RGS6: variants seen among roughly 807,000 people sequenced by gnomAD.
RGS6 encodes the protein regulator of G protein signaling 6.
RGS6 carries 30 observed loss-of-function variants against 78.5 expected under a neutral mutation model. The observed-to-expected ratio is 0.38, with a 90% CI of 0.29 to 0.52. The LOEUF is 0.52. Among genes scored for constraint, RGS6 ranks in the 20% least tolerant of loss-of-function variants. The probability of loss-of-function intolerance (pLI) is 0.85; values close to 1 mark genes in which losing one functional copy is unlikely to be tolerated. For synonymous variants in RGS6, 206 were observed against 206.0 expected, an observed-to-expected ratio of 1.00 and a Z score of 0.00; for missense variants, 495 against 609.7, an observed-to-expected ratio of 0.81 and a Z score of 1.98.
intron 2 of RGS6, among the ~76,000 whole-genome samples, chr14:72,243,003 C>A (rs568503703): frequency 1.3e-5 from 2 of 152,030 alleles, no homozygotes; most frequent in East Asian, 3.9e-4. Context: ...CGCGCGCCAC[C>A]ACACCTGGCT....
At chr14:72,418,055 C>T (rs1030321158) in intron 3 of RGS6, among the ~76,000 whole-genome samples, 1 of 152,154 alleles carries the variant, frequency 6.6e-6, no homozygotes, top group Admixed American at 6.5e-5. Flanking sequence ...CTGCCTGTCC[C>T]CACCTGGACA....
chr14:72,013,320 A>G (rs1209156617), intron 2 of RGS6, among the ~76,000 whole-genome samples: 3 of 144,644 alleles, frequency 2.1e-5, no homozygotes, highest in Non-Finnish European at 4.5e-5. Context: ...AATAAAGCAT[A>G]GTTATAGTAT....
At chr14:72,215,148 T>C (rs1360221202) in intron 2 of RGS6, among the ~76,000 whole-genome samples, 2 of 152,202 alleles carry the variant, frequency 1.3e-5, no homozygotes, top group African/African-American at 2.4e-5. Flanking sequence ...CCATTACTGA[T>C]TTCAATACCA....
chr14:72,208,455 C>T (rs1029003268), intron 2 of RGS6, among the ~76,000 whole-genome samples: 1 of 152,184 alleles, frequency 6.6e-6, no homozygotes, highest in African/African-American at 2.4e-5. Flanking sequence ...GGTTTTCTGT[C>T]ACTTACAACC....
chr14:72,259,416 C>G (rs1337382393), intron 2 of RGS6, among the ~76,000 whole-genome samples: 1 of 152,080 alleles, frequency 6.6e-6, no homozygotes, highest in African/African-American at 2.4e-5. Context: ...ATTTAGGCAT[C>G]TGATTTAGTG....
rs1597928590 is a variant in RGS6, at chr14:72,466,984, T to C, written c.459+1162T>C. ...ATGTGTGTCACATGAGGTATCTACTTCCCAGCTTTCTTACCTTCCTTCTCT... is the reference window on the plus strand; with the variant it reads ...ATGTGTGTCACATGAGGTATCTACTCCCCAGCTTTCTTACCTTCCTTCTCT... On this transcript the variant is annotated intron_variant, in intron 7 of 17. Transcript: ENST00000553525. Among the ~76,000 whole-genome samples the C allele has an allele frequency of 2.0e-5, 3 of 152,020 alleles. No homozygotes were observed. The East Asian group carries it at 5.8e-4, about 29-fold the overall frequency.
intron 2 of RGS6, among the ~76,000 whole-genome samples, chr14:72,042,129 C>CTTTTT (rs202194668): frequency 1.5e-5 from 2 of 134,540 alleles, no homozygotes; most frequent in Non-Finnish European, 3.1e-5. Flanking sequence ...TTTTCTTTTT[C>CTTTTT]TTTTTTTTTT....
chr14:72,104,441 G>T (rs1205457968), intron 2 of RGS6, among the ~76,000 whole-genome samples: 11 of 152,094 alleles, frequency 7.2e-5, no homozygotes, highest in Non-Finnish European at 1.5e-5. Flanking sequence ...AATTATGCTT[G>T]CTCATAACTT....
At chr14:72,245,804 T>G (rs887805127) in intron 2 of RGS6, among the ~76,000 whole-genome samples, 2 of 151,874 alleles carry the variant, frequency 1.3e-5, no homozygotes, top group African/African-American at 4.8e-5. Flanking sequence ...GAGTGAAGAG[T>G]GGAGAGTCAT....
chr14:71,909,431 A>G, the RGS6 span, among the ~76,000 whole-genome samples: 4 of 152,076 alleles, frequency 2.6e-5, no homozygotes, highest in Admixed American at 6.6e-5. Context: ...AGTTTGCTCT[A>G]TGTGTGTATG....
At chr14:72,230,671 G>A (rs2049327455) in intron 2 of RGS6, among the ~76,000 whole-genome samples, 1 of 152,174 alleles carries the variant, frequency 6.6e-6, no homozygotes, top group Admixed American at 6.5e-5. Flanking sequence ...CTGCAGGCTG[G>A]AAACTCTCAG....
chr14:72,543,417 G>C (rs1385763312), intron 17 of RGS6, among the ~76,000 whole-genome samples: 1 of 152,200 alleles, frequency 6.6e-6, no homozygotes, highest in African/African-American at 2.4e-5. Flanking sequence ...CATGGCCTCA[G>C]GTCATGTGAT....
chr14:72,589,244 G>C, the RGS6 span, among the ~76,000 whole-genome samples: 3 of 152,170 alleles, frequency 2.0e-5, no homozygotes, highest in Non-Finnish European at 4.4e-5. Context: ...GCTGCTGGGG[G>C]CGCTTAAAAT....
At position 72,076,019 on chromosome 14, in the gene RGS6, A is replaced by G. The variant is rs141398360; in HGVS notation, c.84+111144A>G. ...TCTGAAACCTTTTGTTTTCCAGACAATAAAACCCTCCCAAACTCCTACCTA... is the reference window on the plus strand; with the variant it reads ...TCTGAAACCTTTTGTTTTCCAGACAGTAAAACCCTCCCAAACTCCTACCTA... On this transcript the variant is annotated intron_variant, in intron 2 of 17. Coordinates refer to ENST00000553525, the MANE Select transcript of RGS6 (RefSeq NM_001204424.2). 2.8e-3 allele frequency among the ~76,000 whole-genome samples: 422 copies of G among 152,310 alleles called. 1 individual carries two copies. The highest frequency in any genetic ancestry group is 9.5e-3 in the African/African-American group (396 of 41,564).
intron 2 of RGS6, among the ~76,000 whole-genome samples, chr14:72,057,289 G>A (rs1201034920): frequency 2.4e-5 from 3 of 124,954 alleles, no homozygotes; most frequent in Non-Finnish European, 4.7e-5. Flanking sequence ...ACTCTAGCCT[G>A]AGTGACAGAG....
intron 1 of RGS6, among the ~76,000 whole-genome samples, chr14:71,947,209 C>T (rs1271264165): frequency 6.6e-6 from 1 of 152,098 alleles, no homozygotes; most frequent in Non-Finnish European, 1.5e-5. Flanking sequence ...TCCTGGGTCT[C>T]CCTGTGGCTA....
chr14:72,454,321 AGT>A (rs2095574368), intron 3 of RGS6, among the ~76,000 whole-genome samples: 1 of 152,138 alleles, frequency 6.6e-6, no homozygotes, highest in Non-Finnish European at 1.5e-5. Context: ...ATCAGAAGTG[AGT>A]GTTTTTTGGA....
chr14:72,551,574 C>T (rs2097507392), intron 17 of RGS6, among the ~76,000 whole-genome samples: 2 of 152,200 alleles, frequency 1.3e-5, no homozygotes. Context: ...TTGAGAACAA[C>T]GGTCCCTTTA....
chr14:72,129,361 ATTTG>A (rs935326659), intron 2 of RGS6, among the ~76,000 whole-genome samples: 2 of 152,230 alleles, frequency 1.3e-5, no homozygotes, highest in Non-Finnish European at 2.9e-5. Flanking sequence ...TTCAATAAAT[ATTTG>A]TTTAATGAAT....
Sources: gnomAD v4.1 joint callset for allele counts (sites outside exome capture counted in the v4.1 genomes callset) on GRCh38, gnomAD v4.1.1 for gene constraint, MANE v1.5 for transcripts, NCBI Gene and HGNC (gene_info 2026-07-23, HGNC 2026-07-21) for gene names.